EPHA6: variants seen among roughly 807,000 people sequenced by gnomAD.
The protein encoded by EPHA6 is ephrin type-A receptor 6.
Under a neutral mutation model 112.0 loss-of-function variants are expected in EPHA6, and 50 were observed. The ratio of observed to expected loss-of-function variants is 0.45; its 90% CI spans 0.36 to 0.56. The LOEUF is 0.56. EPHA6 is among the 20% of genes least tolerant of loss of function. The pLI, the probability that EPHA6 is intolerant of heterozygous loss-of-function variation, is 0.00. For synonymous variants in EPHA6, 529 were observed against 490.7 expected (o/e 1.08, Z -1.03); for missense variants, 1,280 against 1,417.4 (o/e 0.90, Z 1.56).
intron 1 of EPHA6, among the ~76,000 whole-genome samples, chr3:96,866,127 A>C (rs1252725018): frequency 6.6e-6 from 1 of 152,068 alleles, no homozygotes; most frequent in Non-Finnish European, 1.5e-5. Context: ...AGAACTGCCA[A>C]CCCAACTTTA....
intron 11 of EPHA6, among the ~76,000 whole-genome samples, chr3:97,587,168 G>A (rs1008250301): frequency 2.6e-5 from 4 of 152,042 alleles, no homozygotes; most frequent in African/African-American, 7.2e-5. Context: ...GCTTGAACCC[G>A]GGAGGCAGAA....
chr3:97,298,676 TTTAG>T (rs1162419864), intron 5 of EPHA6, among the ~76,000 whole-genome samples: 3 of 152,112 alleles, frequency 2.0e-5, no homozygotes, highest in Non-Finnish European at 4.4e-5. Flanking sequence ...AGAAATATTA[TTTAG>T]TTATTATTTC....
chr3:97,302,142 G>A (rs1258269055), intron 5 of EPHA6, among the ~76,000 whole-genome samples: 1 of 152,018 alleles, frequency 6.6e-6, no homozygotes, highest in East Asian at 1.9e-4. Context: ...CTTCTGCCAA[G>A]TTAAAATCAT....
chr3:96,953,697 G>C (rs1388606217), intron 2 of EPHA6, among the ~76,000 whole-genome samples: 1 of 150,840 alleles, frequency 6.6e-6, no homozygotes, highest in Non-Finnish European at 1.5e-5. Flanking sequence ...TCACCTGAGA[G>C]ACAACCATCT....
intron 5 of EPHA6, chr3:97,244,557 TAATGAGTAA>T: frequency 2.3e-6 from 1 of 431,206 alleles, no homozygotes; most frequent in East Asian, 3.3e-5. Context: ...CAATATATCT[TAATGAGTAA>T]GTCCATATTA....
intron 5 of EPHA6, among the ~76,000 whole-genome samples, chr3:97,403,326 G>A (rs77756068): frequency 6.6e-6 from 1 of 151,890 alleles, no homozygotes; most frequent in Admixed American, 6.6e-5. Context: ...ATTGATATTT[G>A]TGTTAAATCA....
At chr3:97,055,458 G>A (rs2045822266) in intron 3 of EPHA6, among the ~76,000 whole-genome samples, 2 of 152,204 alleles carry the variant, frequency 1.3e-5, no homozygotes, top group South Asian at 4.1e-4. Context: ...TTTATAGAAA[G>A]ATTTTGCCTG....
intron 14 of EPHA6, among the ~76,000 whole-genome samples, chr3:97,692,401 A>G (rs2107711254): frequency 6.6e-6 from 1 of 152,322 alleles, no homozygotes; most frequent in East Asian, 1.9e-4. Context: ...ATTTTTAAAG[A>G]CGATCCTTGG....
intron 5 of EPHA6, among the ~76,000 whole-genome samples, chr3:97,328,078 T>TATATATATATATA (rs1309698190): frequency 7.2e-6 from 1 of 138,420 alleles, no homozygotes; most frequent in African/African-American, 3.0e-5. Flanking sequence ...TATATATATA[T>TATATATATATATA]AACCTGTTTT....
At chr3:96,997,122 C>T (rs77235314) in intron 3 of EPHA6, among the ~76,000 whole-genome samples, 3,973 of 152,112 alleles carry the variant, frequency 0.026, 171 homozygotes, top group African/African-American at 0.088. Context: ...AGCTTCCTCC[C>T]CTCACTCAGC....
At chr3:97,487,363 A>G (rs1196291013) in intron 10 of EPHA6, among the ~76,000 whole-genome samples, 2 of 152,248 alleles carry the variant, frequency 1.3e-5, no homozygotes, top group African/African-American at 4.8e-5. Flanking sequence ...TAACATTTTC[A>G]CAAAAAGCAT....
chr3:97,251,468 T>G (rs565992443), intron 5 of EPHA6, among the ~76,000 whole-genome samples: 25 of 151,902 alleles, frequency 1.6e-4, no homozygotes, highest in African/African-American at 5.6e-4. Context: ...AGGCGGAGCT[T>G]GCAGTGAGCT....
Position 96,829,984 on chromosome 3 carries a change from C to CACACAA in EPHA6, c.385+14981_385+14982insAACACA, listed in dbSNP as rs1553713455. ...ACACACACACACACACACACACACA[C>CACACAA]ACACAGAAATGGTATGCTATTTGCT... On this transcript the variant is annotated intron_variant, in intron 1 of 17. Coordinates refer to ENST00000389672, the MANE Select transcript of EPHA6 (RefSeq NM_001080448.3). Among the ~76,000 whole-genome samples the CACACAA allele has an allele frequency of 4.1e-5, 6 of 148,026 alleles. No homozygotes were observed. The East Asian group carries it at 1.0e-3, about 25-fold the overall frequency.
At chr3:97,673,706 A>T (rs1485109736) in intron 14 of EPHA6, among the ~76,000 whole-genome samples, 1 of 152,202 alleles carries the variant, frequency 6.6e-6, no homozygotes, top group Non-Finnish European at 1.5e-5. Context: ...CCATTGACCA[A>T]GTCCATCTTT....
At chr3:97,265,119 T>C (rs1020551266) in intron 5 of EPHA6, among the ~76,000 whole-genome samples, 1 of 152,118 alleles carries the variant, frequency 6.6e-6, no homozygotes, top group African/African-American at 2.4e-5. Flanking sequence ...CCTGGGGCTT[T>C]TATGGGCTTC....
At chr3:97,157,509 CGAGA>C (rs970645368) in intron 3 of EPHA6, among the ~76,000 whole-genome samples, 77 of 151,766 alleles carry the variant, frequency 5.1e-4, no homozygotes, top group African/African-American at 1.8e-3. Flanking sequence ...TACCTTCTGT[CGAGA>C]GAGAGAGACA....
At chr3:97,481,996 C>T (rs1185141892) in intron 9 of EPHA6, among the ~76,000 whole-genome samples, 3 of 152,152 alleles carry the variant, frequency 2.0e-5, no homozygotes, top group Non-Finnish European at 4.4e-5. Context: ...ATGAAAATAA[C>T]TCGAGACAGC....
At chr3:96,823,598 A>G (rs1386569702) in intron 1 of EPHA6, among the ~76,000 whole-genome samples, 2 of 151,858 alleles carry the variant, frequency 1.3e-5, no homozygotes, top group South Asian at 2.1e-4. Context: ...ATGAAGTGTG[A>G]TAAGAAATAG....
At chr3:97,561,238 G>T (rs1030194218) in intron 11 of EPHA6, among the ~76,000 whole-genome samples, 1 of 152,020 alleles carries the variant, frequency 6.6e-6, no homozygotes, top group African/African-American at 2.4e-5. Context: ...AGCTAGAAAT[G>T]ATTTAGCTCA....
Sources: gnomAD v4.1 joint callset for allele counts (sites outside exome capture counted in the v4.1 genomes callset) on GRCh38, gnomAD v4.1.1 for gene constraint, MANE v1.5 for transcripts, NCBI Gene and HGNC (gene_info 2026-07-23, HGNC 2026-07-21) for gene names.